Variants in HDAC9 observed in about 807,000 individuals in gnomAD.
The protein encoded by HDAC9 is MEF-2 interacting transcription repressor (MITR) protein.
Under a neutral mutation model 139.4 loss-of-function variants are expected in HDAC9, and 41 were observed. That is an observed-to-expected ratio of 0.29 (90% CI 0.23 to 0.38). The LOEUF (loss-of-function observed/expected upper bound fraction) is 0.38, where lower values mean the gene tolerates loss of function less well. HDAC9 is among the 10% of genes least tolerant of loss of function. The pLI is 1.00. For synonymous variants in HDAC9, 517 were observed against 476.2 expected, an observed-to-expected ratio of 1.09 and a Z score of -1.12; for missense variants, 1,147 against 1,297.0, an observed-to-expected ratio of 0.88 and a Z score of 1.78.
At chr7:18,732,931 A>ATGTATGTGTATACACACGTGTATGTGTG (rs1562893700) in intron 13 of HDAC9, among the ~76,000 whole-genome samples, 11 of 74,772 alleles carry the variant, frequency 1.5e-4, no homozygotes, top group Non-Finnish European at 2.6e-4. Flanking sequence ...ACACGTGTGT[A>ATGTATGTGTATACACACGTGTATGTGTG]TGTATGTGTA....
chr7:18,386,611 G>A (rs887813899), intron 1 of HDAC9, among the ~76,000 whole-genome samples: 4 of 152,070 alleles, frequency 2.6e-5, no homozygotes, highest in South Asian at 2.1e-4. Context: ...CAAGAACATC[G>A]CATGTAACAT....
chr7:18,765,458 A>G (rs1392598263), intron 15 of HDAC9, among the ~76,000 whole-genome samples: 1 of 152,090 alleles, frequency 6.6e-6, no homozygotes, highest in Non-Finnish European at 1.5e-5. Context: ...CGTCTCTACT[A>G]AAAATACAAA....
rs187311230 is a variant in HDAC9, at chr7:18,184,227, C to T, written c.25+21878C>T. Among the ~76,000 whole-genome samples the T allele has an allele frequency of 4.6e-3, 700 of 152,154 alleles. 3 individuals carry two copies. Among genetic ancestry groups the T allele is most frequent in the Middle Eastern group, 0.024 (7 of 294 alleles). ...CCGCCTGACCAACATGGAGAAACCC[C>T]GTCTCTACTAAAAATACGAAGTTAG... On this transcript the variant is annotated intron_variant, in intron 2 of 12. Transcript: ENST00000417496.
chr7:18,989,151 C>G (rs1240147546), intron 25 of HDAC9, among the ~76,000 whole-genome samples: 1 of 147,386 alleles, frequency 6.8e-6, no homozygotes, highest in Non-Finnish European at 1.5e-5. Flanking sequence ...GCAGTTTCTT[C>G]CTAGTCTCGA....
At chr7:18,432,698 G>C (rs1016089928) in intron 1 of HDAC9, among the ~76,000 whole-genome samples, 2 of 152,030 alleles carry the variant, frequency 1.3e-5, no homozygotes, top group African/African-American at 2.4e-5. Flanking sequence ...CTGTAATCCC[G>C]TCACTTTGGG....
chr7:18,898,995 G>A (rs1167114349), intron 22 of HDAC9, among the ~76,000 whole-genome samples: 1 of 152,004 alleles, frequency 6.6e-6, no homozygotes, highest in Non-Finnish European at 1.5e-5. Context: ...TTACGCTTAT[G>A]CTACCAAAAA....
chr7:18,558,819 G>C (rs1032348673), intron 2 of HDAC9, among the ~76,000 whole-genome samples: 2 of 152,186 alleles, frequency 1.3e-5, no homozygotes, highest in African/African-American at 4.8e-5. Context: ...TCACAGTAAA[G>C]GTTTCTCAGA....
At chr7:18,498,790 T>C (rs1284745524) in intron 2 of HDAC9, among the ~76,000 whole-genome samples, 1 of 152,044 alleles carries the variant, frequency 6.6e-6, no homozygotes, top group Non-Finnish European at 1.5e-5. Flanking sequence ...CCTCTTAGCA[T>C]TCTTGTGAGG....
chr7:18,349,014 A>T (rs1192183961), intron 1 of HDAC9, among the ~76,000 whole-genome samples: 2 of 152,124 alleles, frequency 1.3e-5, no homozygotes, highest in Non-Finnish European at 2.9e-5. Context: ...CTTCAAGCCC[A>T]AGTTCTGTCC....
At chr7:18,939,049 C>T (rs770370639) in intron 23 of HDAC9, among the ~76,000 whole-genome samples, 2 of 152,196 alleles carry the variant, frequency 1.3e-5, no homozygotes, top group African/African-American at 2.4e-5. Context: ...GCTATATTGA[C>T]TATTGAACTT....
chr7:18,757,122 A>T (rs1788951810), intron 14 of HDAC9, among the ~76,000 whole-genome samples: 1 of 152,078 alleles, frequency 6.6e-6, no homozygotes, highest in South Asian at 2.1e-4. Context: ...CCATGAATTG[A>T]CTCATTAAAT....
chr7:18,147,927 GT>G (rs1439164581), intron 1 of HDAC9, among the ~76,000 whole-genome samples: 2 of 152,026 alleles, frequency 1.3e-5, no homozygotes, highest in African/African-American at 2.4e-5. Flanking sequence ...CTCTAGGTCC[GT>G]TGTATTAATT....
At chr7:18,506,069 G>T (rs1216327003) in intron 2 of HDAC9, 1 of 152,150 alleles carries the variant, frequency 6.6e-6, no homozygotes, top group Non-Finnish European at 1.5e-5. Flanking sequence ...TCATTTTTGG[G>T]TTATTTCTAG....
rs1040084872 is a variant in HDAC9, at chr7:18,858,002, A to G, written c.2685-16476A>G. On this transcript the variant is annotated intron_variant, in intron 21 of 25. Transcript: ENST00000686413. ...ATTATTTGGTCTAAAACAAATACAC[A>G]TGCACAAAAGAAAATTAGTTTTCAA... Among the ~76,000 whole-genome samples the G allele has an allele frequency of 4.6e-5, 7 of 152,244 alleles. 1 individual carries two copies. Among genetic ancestry groups the G allele is most frequent in the Admixed American group, 3.9e-4 (6 of 15,272 alleles).
At chr7:18,312,323 G>A (rs926603556) in intron 1 of HDAC9, among the ~76,000 whole-genome samples, 7 of 152,066 alleles carry the variant, frequency 4.6e-5, no homozygotes, top group Non-Finnish European at 1.0e-4. Context: ...TCTCTTTCTT[G>A]TGTAGCCTTC....
intron 1 of HDAC9, among the ~76,000 whole-genome samples, chr7:18,380,578 C>G (rs538667810): frequency 6.6e-6 from 1 of 152,236 alleles, no homozygotes; most frequent in South Asian, 2.1e-4. Context: ...CTCCTTTGGC[C>G]CTCACGCTGT....
intron 22 of HDAC9, among the ~76,000 whole-genome samples, chr7:18,921,636 T>G (rs1038456730): frequency 4.6e-5 from 7 of 152,154 alleles, no homozygotes; most frequent in South Asian, 2.1e-4. Context: ...GGTGGGACTG[T>G]TAACTAGTTC....
At chr7:18,726,982 AAACCAAAT>A (rs1785599443) in intron 12 of HDAC9, among the ~76,000 whole-genome samples, 1 of 152,188 alleles carries the variant, frequency 6.6e-6, no homozygotes, top group African/African-American at 2.4e-5. Context: ...AGTATATTAA[AAACCAAAT>A]AATTTTATAG....
At chr7:18,811,268 C>CT (rs1794155323) in intron 17 of HDAC9, among the ~76,000 whole-genome samples, 1 of 151,016 alleles carries the variant, frequency 6.6e-6, no homozygotes, top group Non-Finnish European at 1.5e-5. Context: ...TATTATTTCT[C>CT]TTTTTTCTCC....
Sources: allele counts gnomAD v4.1 joint callset (sites outside exome capture counted in the v4.1 genomes callset), GRCh38; gene constraint gnomAD v4.1.1; transcripts MANE v1.5; gene names NCBI Gene and HGNC (gene_info 2026-07-23, HGNC 2026-07-21).